PDE4D: variants seen among roughly 807,000 people sequenced by gnomAD.
PDE4D encodes the protein phosphodiesterase 4D, also known as 3',5'-cyclic-AMP phosphodiesterase 4D.
A neutral mutation model predicts 87.4 loss-of-function variants in PDE4D; 24 were observed. The ratio of observed to expected loss-of-function variants is 0.27; its 90% confidence interval spans 0.20 to 0.39. PDE4D has a LOEUF of 0.39. Among genes scored for constraint, PDE4D ranks in the 10% least tolerant of loss-of-function variants. The probability of loss-of-function intolerance (pLI) is 1.00; values close to 1 mark genes in which losing one functional copy is unlikely to be tolerated. For synonymous variants in PDE4D, 384 were observed against 383.2 expected (o/e 1.00, Z -0.02); for missense variants, 714 against 1,041.0 (o/e 0.69, Z 4.32).
rs180820238 is a variant in PDE4D, at chr5:59,625,726, A to T, written c.455+267442T>A. Among the ~76,000 whole-genome samples, 11 of 152,330 alleles carry T rather than the reference A, an allele frequency of 7.2e-5. No homozygotes were observed. In the East Asian group the frequency reaches 1.7e-3, roughly 24 times the overall value. Reference sequence around the variant, plus strand: ...AAATTAGAAAACATATGCTTTATTAAAAGAACATTCTCTTTCAAAAATAAA... The same window carrying T: ...AAATTAGAAAACATATGCTTTATTATAAGAACATTCTCTTTCAAAAATAAA... On this transcript the variant is annotated intron_variant, in intron 1 of 14. Coordinates refer to ENST00000340635, the MANE Select transcript of PDE4D (RefSeq NM_001104631.2).
chr5:59,830,979 TAAAA>T (rs977832548), intron 1 of PDE4D, among the ~76,000 whole-genome samples: 4 of 152,048 alleles, frequency 2.6e-5, no homozygotes, highest in Non-Finnish European at 5.9e-5. Context: ...GTAAATGTGC[TAAAA>T]GGGCTTTTCT....
chr5:60,415,791 G>A (rs1010868685), intron 1 of PDE4D, among the ~76,000 whole-genome samples: 2 of 152,260 alleles, frequency 1.3e-5, no homozygotes, highest in African/African-American at 4.8e-5. Context: ...CCAAAGGGCT[G>A]AGGAGTGCAG....
At chr5:59,751,573 T>TGGTG (rs1232983845) in intron 1 of PDE4D, among the ~76,000 whole-genome samples, 2 of 75,252 alleles carry the variant, frequency 2.7e-5, no homozygotes, top group East Asian at 5.4e-4. Flanking sequence ...TATAAATCCC[T>TGGTG]GGTGTGTGTG....
intron 3 of PDE4D, among the ~76,000 whole-genome samples, chr5:59,191,590 A>G (rs547738974): frequency 1.3e-5 from 2 of 151,370 alleles, no homozygotes; most frequent in South Asian, 4.2e-4. Context: ...TTTTTTCTTG[A>G]CAGAGTCTTG....
chr5:59,457,252 T>C (rs1224573428), intron 1 of PDE4D, among the ~76,000 whole-genome samples: 1 of 152,192 alleles, frequency 6.6e-6, no homozygotes, highest in Non-Finnish European at 1.5e-5. Context: ...CCCTGATCAA[T>C]CAGTAGCCAT....
chr5:60,083,030 T>C (rs1774134511), intron 2 of PDE4D, among the ~76,000 whole-genome samples: 2 of 152,194 alleles, frequency 1.3e-5, no homozygotes, highest in African/African-American at 4.8e-5. Context: ...TCTCGTCTAT[T>C]TATTTTGCAG....
intron 5 of PDE4D, among the ~76,000 whole-genome samples, chr5:59,097,377 C>T (rs554302324): frequency 1.3e-5 from 2 of 152,184 alleles, no homozygotes; most frequent in Non-Finnish European, 2.9e-5. Flanking sequence ...AAGTTTCAGA[C>T]TAGTGCTGGG....
At chr5:59,894,655 G>A (rs564876564), upstream of PDE4D, among the ~76,000 whole-genome samples, 7 of 152,246 alleles carry the variant, frequency 4.6e-5, no homozygotes, top group East Asian at 1.2e-3. Flanking sequence ...GATTATCTTC[G>A]GTAGTCTCTA....
intron 1 of PDE4D, chr5:59,768,319 G>C (rs774887911): frequency 1.3e-6 from 2 of 1,598,284 alleles, no homozygotes; most frequent in Non-Finnish European, 1.7e-6. Context: ...CAGAAGCCTG[G>C]GGGAATTTCT....
In PDE4D at chr5:60,120,273, C is replaced by G. The variant is rs191152258; in HGVS notation, c.42+65284G>C. Reference sequence around the variant, plus strand: ...GTACTTTGTGAAGAGCATAGATGCACTAACAGGAGAGGTAGTGGGTCTGAG... The same window carrying G: ...GTACTTTGTGAAGAGCATAGATGCAGTAACAGGAGAGGTAGTGGGTCTGAG... On this transcript the variant is annotated intron_variant, in intron 2 of 16. Coordinates refer to the PDE4D transcript ENST00000502484. 8.2e-3 allele frequency among the ~76,000 whole-genome samples: 1,228 copies of G among 150,112 alleles called. 7 individuals are homozygous for G. Among genetic ancestry groups the G allele is most frequent in the Non-Finnish European group, 0.012 (800 of 67,988 alleles).
Position 60,308,400 on chromosome 5 carries a change from T to C in PDE4D, c.-89-122713A>G, listed in dbSNP as rs542466476. ...ATTCTGAGGTACCAAATAGCCAAGA[T>C]TGGAGGTTTCCAAACTAGTCTGACC... is the stretch of plus-strand genomic sequence containing the variant. On this transcript the variant is annotated intron_variant, in intron 1 of 16. Transcript: ENST00000502484. Among the ~76,000 whole-genome samples the C allele has an allele frequency of 1.2e-4, 18 of 152,336 alleles. No homozygotes were observed. The South Asian group carries it at 2.9e-3, about 25-fold the overall frequency.
chr5:59,830,643 G>A (rs1741045800), intron 1 of PDE4D, among the ~76,000 whole-genome samples: 1 of 151,944 alleles, frequency 6.6e-6, no homozygotes, highest in African/African-American at 2.4e-5. Flanking sequence ...GCTGCTTTGG[G>A]TATTAATTAA....
intron 1 of PDE4D, among the ~76,000 whole-genome samples, chr5:59,328,460 T>A (rs79816739): frequency 6.6e-6 from 1 of 152,318 alleles, no homozygotes; most frequent in Admixed American, 6.5e-5. Context: ...TTTATCTTGT[T>A]TGAAAAACAG....
At chr5:59,435,566 T>G (rs1310701378) in intron 1 of PDE4D, among the ~76,000 whole-genome samples, 1 of 151,924 alleles carries the variant, frequency 6.6e-6, no homozygotes, top group South Asian at 2.1e-4. Flanking sequence ...AAGCCTCTCA[T>G]CTATTTTGCC....
intron 1 of PDE4D, among the ~76,000 whole-genome samples, chr5:59,693,265 G>A (rs953646730): frequency 3.3e-5 from 5 of 151,956 alleles, no homozygotes; most frequent in African/African-American, 1.2e-4. Flanking sequence ...AGCGGTGCCA[G>A]AGTAAAATAA....
chr5:59,173,869 A>C (rs756168916), intron 5 of PDE4D, among the ~76,000 whole-genome samples: 9 of 152,134 alleles, frequency 5.9e-5, no homozygotes, highest in Non-Finnish European at 1.3e-4. Context: ...TCTCATGTAG[A>C]TCCCTTTTGC....
intron 6 of PDE4D, among the ~76,000 whole-genome samples, chr5:59,029,855 C>A (rs1261194017): frequency 5.3e-5 from 8 of 152,072 alleles, no homozygotes; most frequent in Non-Finnish European, 1.2e-4. Flanking sequence ...ACCAATGGAA[C>A]AGGATAGAAA....
At chr5:59,327,132 TACACACACAC>T (rs3061651) in intron 1 of PDE4D, among the ~76,000 whole-genome samples, 6,219 of 141,768 alleles carry the variant, frequency 0.044, 479 homozygotes, top group African/African-American at 0.15. Flanking sequence ...GAAACAGAAA[TACACACACAC>T]ACACACACAC....
At chr5:60,340,928 C>A (rs1353877713) in intron 1 of PDE4D, among the ~76,000 whole-genome samples, 1 of 152,042 alleles carries the variant, frequency 6.6e-6, no homozygotes, top group Non-Finnish European at 1.5e-5. Flanking sequence ...AGTTTTTATT[C>A]GGAACTTCTG....
Sources: allele counts gnomAD v4.1 joint callset (sites outside exome capture counted in the v4.1 genomes callset), GRCh38; gene constraint gnomAD v4.1.1; transcripts MANE v1.5; gene names NCBI Gene and HGNC (gene_info 2026-07-23, HGNC 2026-07-21).